Variants in PXDNL observed in about 807,000 individuals in gnomAD.
PXDNL encodes peroxidasin like.
A neutral mutation model predicts 150.8 loss-of-function variants in PXDNL; 145 were observed. The ratio of observed to expected loss-of-function variants is 0.96; its 90% CI spans 0.84 to 1.10. The LOEUF is 1.10. Ranked by LOEUF, PXDNL falls within the 50% of genes least tolerant of loss-of-function variation. PXDNL has a pLI of 0.00. For missense variants in PXDNL, 2,087 were observed against 1,873.9 expected (o/e 1.11, Z -2.10); for synonymous variants, 757 against 725.7 (o/e 1.04, Z -0.69).
intron 2 of PXDNL, among the ~76,000 whole-genome samples, chr8:51,643,820 CT>C (rs1416884252): frequency 1.3e-5 from 2 of 152,106 alleles, no homozygotes; most frequent in Admixed American, 1.3e-4. Flanking sequence ...TAGCCAGAAT[CT>C]AGAAAGAACT....
At chr8:51,511,582 C>T (rs1166984035) in intron 4 of PXDNL, among the ~76,000 whole-genome samples, 1 of 152,088 alleles carries the variant, frequency 6.6e-6, no homozygotes, top group Non-Finnish European at 1.5e-5. Context: ...ATATGCAGGG[C>T]CTGGAGTATG....
intron 2 of PXDNL, among the ~76,000 whole-genome samples, chr8:51,622,382 A>G (rs555514792): frequency 1.3e-5 from 2 of 152,194 alleles, no homozygotes; most frequent in South Asian, 4.1e-4. Context: ...CACTGCTTTA[A>G]GCCACTGTGT....
intron 12 of PXDNL, chr8:51,435,727 A>G: frequency 2.9e-6 from 1 of 346,808 alleles, no homozygotes; most frequent in South Asian, 2.7e-5. Context: ...TGGAAGAAGA[A>G]GATAGAGACT....
intron 3 of PXDNL, among the ~76,000 whole-genome samples, chr8:51,571,513 G>C (rs187520484): frequency 4.7e-4 from 71 of 151,796 alleles, no homozygotes; most frequent in Non-Finnish European, 1.2e-4. Context: ...TAAAAATAAG[G>C]CTTAAGCTAA....
intron 1 of PXDNL, among the ~76,000 whole-genome samples, chr8:51,696,521 A>C (rs1816129224): frequency 6.6e-6 from 1 of 152,188 alleles, no homozygotes; most frequent in Non-Finnish European, 1.5e-5. Context: ...ACACTGATTC[A>C]ACTGGGAGGA....
At chr8:51,500,463 TG>T (rs1323862537) in intron 4 of PXDNL, among the ~76,000 whole-genome samples, 1 of 152,202 alleles carries the variant, frequency 6.6e-6, no homozygotes, top group Admixed American at 6.5e-5. Flanking sequence ...TGTGATGAAA[TG>T]GAGAAGCATG....
intron 1 of PXDNL, among the ~76,000 whole-genome samples, chr8:51,764,551 C>T (rs1407739332): frequency 2.1e-5 from 3 of 145,288 alleles, no homozygotes; most frequent in Non-Finnish European, 2.9e-5. Flanking sequence ...AATATTTCTT[C>T]TCTGAATCAT....
intron 1 of PXDNL, among the ~76,000 whole-genome samples, chr8:51,735,825 C>T (rs1392481636): frequency 2.0e-5 from 3 of 152,120 alleles, no homozygotes; most frequent in Admixed American, 6.5e-5. Flanking sequence ...GGATTACAGG[C>T]GTGAGCCACC....
At chr8:51,805,776 G>A (rs1392929897) in intron 1 of PXDNL, among the ~76,000 whole-genome samples, 1 of 152,044 alleles carries the variant, frequency 6.6e-6, no homozygotes, top group Non-Finnish European at 1.5e-5. Context: ...TCTAATCAAG[G>A]TGGTTTTTAG....
At chr8:51,383,224 G>T (rs1807601416) in intron 17 of PXDNL, among the ~76,000 whole-genome samples, 1 of 152,172 alleles carries the variant, frequency 6.6e-6, no homozygotes, top group East Asian at 1.9e-4. Flanking sequence ...AGACATTGTA[G>T]CTCTTCTTTT....
chr8:51,627,866 A>G (rs11995986), intron 2 of PXDNL, among the ~76,000 whole-genome samples: 10,532 of 152,200 alleles, frequency 0.069, 592 homozygotes, highest in African/African-American at 0.16. Context: ...GTATTTGTCC[A>G]TTCGAACCTG....
At chr8:51,615,876 T>C (rs1814119958) in intron 2 of PXDNL, among the ~76,000 whole-genome samples, 1 of 152,204 alleles carries the variant, frequency 6.6e-6, no homozygotes, top group African/African-American at 2.4e-5. Flanking sequence ...ATGATGACAG[T>C]GCATTAACAT....
At chr8:51,807,804 C>T (rs2037693487) in intron 1 of PXDNL, among the ~76,000 whole-genome samples, 1 of 152,152 alleles carries the variant, frequency 6.6e-6, no homozygotes, top group African/African-American at 2.4e-5. Flanking sequence ...TCGAGTTGTA[C>T]CTCATGTAGC....
intron 2 of PXDNL, among the ~76,000 whole-genome samples, chr8:51,614,925 A>T (rs1365778951): frequency 6.6e-6 from 1 of 152,228 alleles, no homozygotes; most frequent in African/African-American, 2.4e-5. Flanking sequence ...CAAATAAAAA[A>T]CTATCTCATT....
chr8:51,642,596 G>A (rs1814793211), intron 2 of PXDNL, among the ~76,000 whole-genome samples: 1 of 152,122 alleles, frequency 6.6e-6, no homozygotes, highest in Admixed American at 6.5e-5. Flanking sequence ...CACTGAATGG[G>A]CAAAAACTGG....
chr8:51,749,737 T>C (rs1247230267), intron 1 of PXDNL, among the ~76,000 whole-genome samples: 1 of 152,138 alleles, frequency 6.6e-6, no homozygotes, highest in Non-Finnish European at 1.5e-5. Flanking sequence ...AGTCTTACTC[T>C]GTTACCAGGC....
Position 51,808,047 on chromosome 8 carries a change from G to C in PXDNL, c.164+1134C>G, listed in dbSNP as rs556620547. Among the ~76,000 whole-genome samples, 11 of 152,294 alleles carry C rather than the reference G, an allele frequency of 7.2e-5. No individual in the cohort carries two copies. The East Asian group carries it at 1.2e-3, about 16-fold the overall frequency. On this transcript the variant is annotated intron_variant, in intron 1 of 22. Transcript: ENST00000356297. ...TATAAAATTAATGAAATGCTTTATA[G>C]AAATGAAAATCTATGGATAATATGT...
chr8:51,706,398 T>G (rs1816379084), intron 1 of PXDNL, among the ~76,000 whole-genome samples: 1 of 152,118 alleles, frequency 6.6e-6, no homozygotes, highest in Admixed American at 6.5e-5. Context: ...AAATGCATAG[T>G]TAAAATACTG....
intron 12 of PXDNL, among the ~76,000 whole-genome samples, chr8:51,431,713 C>T (rs1256832334): frequency 6.6e-6 from 1 of 152,164 alleles, no homozygotes; most frequent in Non-Finnish European, 1.5e-5. Flanking sequence ...TCACTCAATG[C>T]ACCACCTTAG....
Sources: allele counts gnomAD v4.1 joint callset (sites outside exome capture counted in the v4.1 genomes callset), GRCh38; gene constraint gnomAD v4.1.1; transcripts MANE v1.5; gene names NCBI Gene and HGNC (gene_info 2026-07-23, HGNC 2026-07-21).